CERT1: variants seen among roughly 807,000 people sequenced by gnomAD.
CERT1 encodes the protein ceramide transfer protein.
Under a neutral mutation model 87.9 loss-of-function variants are expected in CERT1, and 31 were observed. The ratio of observed to expected loss-of-function variants is 0.35; its 90% CI spans 0.27 to 0.48. The LOEUF (loss-of-function observed/expected upper bound fraction) is 0.48, where lower values mean the gene tolerates loss of function less well. Among genes scored for constraint, CERT1 ranks in the 20% least tolerant of loss-of-function variants. The pLI, the probability that CERT1 is intolerant of heterozygous loss-of-function variation, is 0.99. For synonymous variants in CERT1, 289 were observed against 250.9 expected (o/e 1.15, Z -1.44); for missense variants, 487 against 758.0 (o/e 0.64, Z 4.20).
chr5:75,389,044 T>C (rs1183474431), intron 12 of CERT1, among the ~76,000 whole-genome samples: 1 of 152,224 alleles, frequency 6.6e-6, no homozygotes, highest in East Asian at 1.9e-4. Flanking sequence ...AAATCCAAAA[T>C]TCAATGTTGC....
Position 75,483,259 on chromosome 5 carries a change from GTC to G in CERT1, c.231+22721_231+22722del, listed in dbSNP as rs528187724. Among the ~76,000 whole-genome samples the G allele has an allele frequency of 1.3e-4, 20 of 152,238 alleles. No individual in the cohort carries two copies. The East Asian group carries it at 3.9e-3, about 29-fold the overall frequency. ...TTGATAAAATGAAATATACATCAGT[GTC>G]TCTCAACAGCATAATTAATTATGCA... is the stretch of plus-strand genomic sequence containing the variant. On this transcript the variant is annotated intron_variant, in intron 2 of 16. Transcript: ENST00000643780.
chr5:75,371,247 C>T (rs1160862266), intron 17 of CERT1: 1 of 152,178 alleles, frequency 6.6e-6, no homozygotes, highest in Non-Finnish European at 1.5e-5. Flanking sequence ...TACACACTCC[C>T]AAGGTACTTT....
intron 2 of CERT1, among the ~76,000 whole-genome samples, chr5:75,490,880 T>G (rs187984497): frequency 6.6e-6 from 1 of 152,198 alleles, no homozygotes; most frequent in South Asian, 2.1e-4. Flanking sequence ...TTCTTTCATC[T>G]CTTTGAGTAC....
At chr5:75,456,606 A>G in intron 3 of CERT1, among the ~76,000 whole-genome samples, 1 of 145,284 alleles carries the variant, frequency 6.9e-6, no homozygotes, top group African/African-American at 2.6e-5. Context: ...CCGAGGAGGC[A>G]GAGGCTGAAG....
chr5:75,413,176 G>C lies in CERT1; in HGVS notation c.838-2073C>G, dbSNP rs374732893. On this transcript the variant is annotated intron_variant, in intron 7 of 16. Transcript: ENST00000643780. ...GCCTACACAGGGTCAGGATCATCAA[G>C]ATGTCACTAGGCAAAAGGAATTATT... Among the ~76,000 whole-genome samples, 5 of 152,200 alleles carry C rather than the reference G, an allele frequency of 3.3e-5. No individual in the cohort carries two copies. The East Asian group carries it at 7.7e-4, about 23-fold the overall frequency.
chr5:75,503,461 C>T (rs183213967), intron 2 of CERT1, among the ~76,000 whole-genome samples: 27 of 152,036 alleles, frequency 1.8e-4, no homozygotes, highest in Middle Eastern at 3.4e-3. Flanking sequence ...AAAGTACATA[C>T]TCTAATTTGT....
upstream of CERT1, chr5:75,511,892 T>C (rs972931664): frequency 5.5e-6 from 8 of 1,443,984 alleles, no homozygotes; most frequent in Non-Finnish European, 7.5e-6. Flanking sequence ...CTGGGAGTTG[T>C]AGTCGCGATC....
chr5:75,448,634 T>C (rs1764649084), intron 3 of CERT1, among the ~76,000 whole-genome samples: 1 of 152,198 alleles, frequency 6.6e-6, no homozygotes, highest in South Asian at 2.1e-4. Flanking sequence ...TTTATATTGC[T>C]GTCAATATGT....
intron 3 of CERT1, among the ~76,000 whole-genome samples, chr5:75,449,600 T>G (rs533493792): frequency 6.6e-6 from 1 of 152,224 alleles, no homozygotes; most frequent in South Asian, 2.1e-4. Flanking sequence ...TCAGCTTTAG[T>G]AGATATTGAA....
chr5:75,488,174 A>C (rs1766614341), intron 2 of CERT1, among the ~76,000 whole-genome samples: 1 of 152,078 alleles, frequency 6.6e-6, no homozygotes, highest in African/African-American at 2.4e-5. Context: ...ACAAAAATTT[A>C]CTGTACATTT....
intron 8 of CERT1, among the ~76,000 whole-genome samples, chr5:75,405,223 T>C (rs1163110352): frequency 6.6e-6 from 1 of 152,192 alleles, no homozygotes; most frequent in African/African-American, 2.4e-5. Context: ...GCATTTCTTA[T>C]GTTAACAACT....
At chr5:75,504,701 C>A (rs1033162083) in intron 2 of CERT1, among the ~76,000 whole-genome samples, 2 of 151,158 alleles carry the variant, frequency 1.3e-5, no homozygotes, top group African/African-American at 4.9e-5. Flanking sequence ...ATTTTAACTA[C>A]AACAGCTCCC....
chr5:75,410,947 A>G, intron 8 of CERT1, 64 bp downstream of exon 8: 1 of 868,954 alleles, frequency 1.2e-6, no homozygotes, highest in Non-Finnish European at 1.8e-6. Flanking sequence ...AGTATTATTA[A>G]AAAATCACTT....
intron 2 of CERT1, among the ~76,000 whole-genome samples, chr5:75,469,971 A>T (rs192417752): frequency 3.2e-4 from 49 of 152,316 alleles, no homozygotes; most frequent in Admixed American, 9.1e-4. Flanking sequence ...AAAAGAGACA[A>T]AGGTTATTAT....
At chr5:75,395,823 C>A (rs532437293) in intron 11 of CERT1, among the ~76,000 whole-genome samples, 1 of 152,130 alleles carries the variant, frequency 6.6e-6, no homozygotes, top group South Asian at 2.1e-4. Flanking sequence ...GCACTACAGC[C>A]TGGGTGACAG....
chr5:75,505,237 A>C (rs1767596808), intron 2 of CERT1: 1 of 152,500 alleles, frequency 6.6e-6, no homozygotes, highest in Admixed American at 6.5e-5. Context: ...CAGTGAGCTG[A>C]GACCACAGAA....
chr5:75,460,643 G>T (rs1363924824), intron 2 of CERT1, among the ~76,000 whole-genome samples: 2 of 152,190 alleles, frequency 1.3e-5, no homozygotes, highest in East Asian at 3.8e-4. Context: ...GGAGGGAAAA[G>T]AATCCGCTCT....
At chr5:75,480,685 T>C (rs924662345) in intron 2 of CERT1, among the ~76,000 whole-genome samples, 6 of 152,178 alleles carry the variant, frequency 3.9e-5, no homozygotes, top group Admixed American at 2.0e-4. Flanking sequence ...AAATTGATCA[T>C]CTGATTTGCC....
chr5:75,454,398 A>G (rs751754591), intron 3 of CERT1, among the ~76,000 whole-genome samples: 1 of 152,208 alleles, frequency 6.6e-6, no homozygotes, highest in Non-Finnish European at 1.5e-5. Flanking sequence ...GTTTTTTGCT[A>G]ATGACTTATT....
Sources: gnomAD v4.1 joint callset for allele counts (sites outside exome capture counted in the v4.1 genomes callset) on GRCh38, gnomAD v4.1.1 for gene constraint, MANE v1.5 for transcripts, NCBI Gene and HGNC (gene_info 2026-07-23, HGNC 2026-07-21) for gene names.